Variants in HTR1F observed in about 807,000 individuals in gnomAD.
HTR1F encodes 5-hydroxytryptamine (serotonin) receptor 1F, G protein-coupled.
A neutral mutation model predicts 24.0 loss-of-function variants in HTR1F; 17 were observed. That is an observed-to-expected ratio of 0.71 (90% CI 0.48 to 1.06). The LOEUF is 1.06. HTR1F is among the 50% of genes least tolerant of loss of function. HTR1F has a pLI of 0.00. For missense variants in HTR1F, 391 were observed against 427.8 expected, an observed-to-expected ratio of 0.91 and a Z score of 0.76; for synonymous variants, 186 against 156.8, an observed-to-expected ratio of 1.19 and a Z score of -1.39.
chr3:87,989,580 C>A (rs1705773174), intron 2 of HTR1F, among the ~76,000 whole-genome samples: 1 of 152,098 alleles, frequency 6.6e-6, no homozygotes, highest in African/African-American at 2.4e-5. Context: ...CTTTATATAA[C>A]CTCCATAGCT....
At chr3:87,804,953 T>G (rs1258369830) in intron 1 of HTR1F, among the ~76,000 whole-genome samples, 1 of 152,104 alleles carries the variant, frequency 6.6e-6, no homozygotes, top group Non-Finnish European at 1.5e-5. Context: ...AAATTCATAT[T>G]TATATATCAA....
intron 1 of HTR1F, among the ~76,000 whole-genome samples, chr3:87,818,191 A>G (rs2107116361): frequency 6.6e-6 from 1 of 152,282 alleles, no homozygotes; most frequent in Non-Finnish European, 1.5e-5. Context: ...GCTGTGCTAA[A>G]TACATCCATA....
intron 2 of HTR1F, among the ~76,000 whole-genome samples, chr3:87,885,092 T>C (rs1453655103): frequency 6.6e-6 from 1 of 152,152 alleles, no homozygotes; most frequent in African/African-American, 2.4e-5. Flanking sequence ...TAGTTGGAAG[T>C]AAAACACTCC....
intron 2 of HTR1F, among the ~76,000 whole-genome samples, chr3:87,975,294 A>C (rs754179330): frequency 7.2e-5 from 11 of 152,092 alleles, no homozygotes; most frequent in Admixed American, 1.3e-4. Context: ...ATCTCAAAAA[A>C]AAATCCAAAT....
chr3:87,850,423 A>G lies in HTR1F; in HGVS notation c.-43+28299A>G, dbSNP rs1044124419. On this transcript the variant is annotated intron_variant, in intron 2 of 2. Coordinates refer to ENST00000319595, the MANE Select transcript of HTR1F (RefSeq NM_001322209.2). ...AATTGAACAATGAGAACACATGAACACAGGAAGGGTAACATCACACACCGG... is the reference window on the plus strand; with the variant it reads ...AATTGAACAATGAGAACACATGAACGCAGGAAGGGTAACATCACACACCGG... Among the ~76,000 whole-genome samples, 38 of 151,996 alleles carry G rather than the reference A, an allele frequency of 2.5e-4. 1 individual carries two copies. The highest frequency in any genetic ancestry group is 9.0e-4 in the African/African-American group (37 of 41,292).
In HTR1F at chr3:87,863,664, T is replaced by C. The variant is rs113067570; in HGVS notation, c.-43+41540T>C. Among the ~76,000 whole-genome samples the C allele has an allele frequency of 5.9e-3, 898 of 152,322 alleles. 11 individuals are homozygous for C. The highest frequency in any genetic ancestry group is 0.021 in the African/African-American group (865 of 41,568). On this transcript the variant is annotated intron_variant, in intron 2 of 2. Transcript: ENST00000319595. The stretch of plus-strand genomic sequence containing the variant: ...GCCTTTTCAAGGAAATCAATTTTTC[T>C]ATAATGCTCCTTAAAATTCTTCCAT...
rs564451909 is a variant in HTR1F, at chr3:87,943,114, G to A, written c.-42-47594G>A. ...AAATGTCTGCAGCACCAATCTCCAT[G>A]TTCTGATTCTGTGTCTCAGTGAGGG... On this transcript the variant is annotated intron_variant, in intron 2 of 2. Transcript: ENST00000319595. 5.3e-4 allele frequency among the ~76,000 whole-genome samples: 80 copies of A among 152,272 alleles called. 1 individual carries two copies. The highest frequency in any genetic ancestry group is 1.8e-3 in the African/African-American group (74 of 41,560).
At chr3:87,818,002 T>C (rs943993136) in intron 1 of HTR1F, among the ~76,000 whole-genome samples, 2 of 152,180 alleles carry the variant, frequency 1.3e-5, no homozygotes, top group African/African-American at 2.4e-5. Flanking sequence ...AATTTTAAGA[T>C]TTAATAAAAA....
At chr3:87,804,654 C>A (rs1290590320) in intron 1 of HTR1F, among the ~76,000 whole-genome samples, 1 of 151,934 alleles carries the variant, frequency 6.6e-6, no homozygotes, top group Non-Finnish European at 1.5e-5. Flanking sequence ...TTTGTGCTCA[C>A]GTTACTATAG....
chr3:87,990,807 A>T lies in HTR1F; in HGVS notation c.58A>T (p.Met20Leu). 6.2e-7 allele frequency: 1 copy of T among 1,613,912 alleles called. No individual in the cohort carries two copies. The highest frequency in any genetic ancestry group is 1.1e-5 in the South Asian group (1 of 91,084). The change falls in exon 3 of 3, where the codon ATG (methionine) becomes TTG (leucine). Residue 20 changes from methionine (M) to leucine (L), a missense_variant. Met to Leu is a conservative substitution (Grantham distance 15). Coordinates refer to ENST00000319595, the MANE Select transcript of HTR1F (RefSeq NM_001322209.2). Reference protein sequence around the residue: ...NLTSEELLNRMPSKILVSLTL... With the variant: ...NLTSEELLNRLPSKILVSLTL... ...GACCTCAGAGGAACTGTTAAACAGA[A>T]TGCCATCCAAAATTCTGGTGTCCCT...
In HTR1F at chr3:87,935,957, C is replaced by T. The variant is rs548850285; in HGVS notation, c.-42-54751C>T. 3.9e-5 allele frequency among the ~76,000 whole-genome samples: 6 copies of T among 152,038 alleles called. No homozygotes were observed. The East Asian group carries it at 9.7e-4, about 25-fold the overall frequency. On this transcript the variant is annotated intron_variant, in intron 2 of 2. Coordinates refer to ENST00000319595, the MANE Select transcript of HTR1F (RefSeq NM_001322209.2). ...CCTCCACCTTCTGGGTTCAAGCGATCCTCCTGCCTCAGCCTCCTGAGTAGC... is the reference window on the plus strand; with the variant it reads ...CCTCCACCTTCTGGGTTCAAGCGATTCTCCTGCCTCAGCCTCCTGAGTAGC...
chr3:87,925,491 G>A (rs1704104632), intron 2 of HTR1F, among the ~76,000 whole-genome samples: 1 of 152,124 alleles, frequency 6.6e-6, no homozygotes, highest in Non-Finnish European at 1.5e-5. Context: ...TCTAGCTGGG[G>A]TCATGGTGTT....
intron 2 of HTR1F, among the ~76,000 whole-genome samples, chr3:87,933,414 G>GT (rs1405994714): frequency 6.6e-6 from 1 of 152,130 alleles, no homozygotes; most frequent in Non-Finnish European, 1.5e-5. Context: ...AAGTCAAATC[G>GT]TCCCTCTTTG....
At chr3:87,889,231 A>G (rs1479001206) in intron 2 of HTR1F, among the ~76,000 whole-genome samples, 2 of 152,160 alleles carry the variant, frequency 1.3e-5, no homozygotes. Flanking sequence ...CAGCAGAACC[A>G]TAAGTTAAAT....
intron 2 of HTR1F, among the ~76,000 whole-genome samples, chr3:87,945,592 C>T (rs1440118826): frequency 2.6e-5 from 4 of 152,094 alleles, no homozygotes; most frequent in Non-Finnish European, 4.4e-5. Context: ...TCTAGTTGGC[C>T]ATCGGCTTCC....
rs537902295 is a variant in HTR1F at position 87,807,537 on chromosome 3, T to A, written c.-159-14471T>A. Reference sequence around the variant, plus strand: ...GAGTTTTTTGGTTGAATCTTTAGTTTTTTTAATATATAAGATCATATCGTC... The same window carrying A: ...GAGTTTTTTGGTTGAATCTTTAGTTATTTTAATATATAAGATCATATCGTC... On this transcript the variant is annotated intron_variant, in intron 1 of 2. Transcript: ENST00000319595. Among the ~76,000 whole-genome samples the A allele has an allele frequency of 1.7e-4, 26 of 152,172 alleles. 2 individuals are homozygous for A. In the East Asian group the frequency reaches 4.6e-3, roughly 27 times the overall value.
chr3:87,856,469 A>G (rs367576074), intron 2 of HTR1F, among the ~76,000 whole-genome samples: 9 of 152,100 alleles, frequency 5.9e-5, no homozygotes, highest in East Asian at 5.8e-4. Flanking sequence ...AAAAATGAGG[A>G]ATGTAGAAGT....
At chr3:87,981,246 G>A (rs1705536777) in intron 2 of HTR1F, among the ~76,000 whole-genome samples, 1 of 152,162 alleles carries the variant, frequency 6.6e-6, no homozygotes, top group Non-Finnish European at 1.5e-5. Flanking sequence ...CCAGGCTGGA[G>A]TGCAGTGGTG....
At chr3:87,932,868 C>T (rs1193690150) in intron 2 of HTR1F, among the ~76,000 whole-genome samples, 4 of 151,596 alleles carry the variant, frequency 2.6e-5, no homozygotes, top group Non-Finnish European at 5.9e-5. Flanking sequence ...CCAGCATCAT[C>T]CTGATACCAA....
Sources: allele counts gnomAD v4.1 joint callset (sites outside exome capture counted in the v4.1 genomes callset), GRCh38; gene constraint gnomAD v4.1.1; transcripts MANE v1.5; gene names NCBI Gene and HGNC (gene_info 2026-07-23, HGNC 2026-07-21).